Variants in GALC observed in about 807,000 individuals in gnomAD.
GALC encodes galactosylceramidase, also known as galactocerebrosidase.
A neutral mutation model predicts 91.8 loss-of-function variants in GALC; 77 were observed. The observed-to-expected ratio is 0.84, with a 90% CI of 0.70 to 1.01. The LOEUF (loss-of-function observed/expected upper bound fraction) is 1.01. Among genes scored for constraint, GALC ranks in the 50% least tolerant of loss-of-function variants. GALC has a pLI of 0.00. For synonymous variants in GALC, 357 were observed against 306.7 expected (o/e 1.16, Z -1.71); for missense variants, 882 against 855.9 (o/e 1.03, Z -0.38).
intron 3 of GALC, chr14:87,986,928 T>C: frequency 4.5e-6 from 2 of 442,386 alleles, no homozygotes; most frequent in Admixed American, 5.9e-5. Flanking sequence ...GATCTCTCTG[T>C]AGTTTTCAAA....
intron 10 of GALC, 116 bp downstream of exon 10, chr14:87,963,268 T>C (rs1885885544): frequency 9.2e-7 from 1 of 1,090,198 alleles, no homozygotes; most frequent in Non-Finnish European, 1.4e-6. Flanking sequence ...CATAAGATCT[T>C]GGCATCTGTC....
intron 11 of GALC, 22 bp downstream of exon 11, chr14:87,950,637 A>T (rs370110535): frequency 1.8e-5 from 26 of 1,408,132 alleles, no homozygotes; most frequent in Non-Finnish European, 2.5e-5. Flanking sequence ...AAACTAAAAT[A>T]AAGTTAAACA....
chr14:87,993,398 C>T (rs1394278466), upstream of GALC: 1 of 1,535,858 alleles, frequency 6.5e-7, no homozygotes, highest in Non-Finnish European at 8.7e-7. Context: ...GCTTCTCTTC[C>T]GGCGTCACCT....
intron 11 of GALC, 84 bp from the exon 12 acceptor site, chr14:87,950,015 G>A (rs1259879152): frequency 8.0e-6 from 6 of 750,526 alleles, no homozygotes; most frequent in Non-Finnish European, 1.5e-5. Context: ...CAGCAAGAAT[G>A]TACCAATGAC....
rs1595193997 is a variant in GALC, at chr14:87,945,568, A to G, written c.1655T>C (p.Ile552Thr). Residue 552 changes from isoleucine to threonine, a missense_variant, in exon 14 of 17, where the codon ATA becomes ACA. Physicochemically the swap from Ile to Thr is moderately conservative, Grantham distance 89 (BLOSUM62 -1). Transcript: ENST00000261304. The stretch of plus-strand genomic sequence containing the variant: ...TCAATCTTACCAGTTGTAGTCTCCT[A>G]TAATACTGATTGTGTTGGATGCATC... ...AADASNTISI[I>T]GDYNWTNLTI... 1 of 1,603,502 alleles carries G rather than the reference A, an allele frequency of 6.2e-7. No individual in the cohort carries two copies. Among genetic ancestry groups the G allele is most frequent in the Non-Finnish European group, 8.5e-7 (1 of 1,170,610 alleles).
At chr14:87,973,121 T>C (rs868423360) in intron 7 of GALC, among the ~76,000 whole-genome samples, 3 of 152,204 alleles carry the variant, frequency 2.0e-5, no homozygotes, top group Non-Finnish European at 4.4e-5. Flanking sequence ...TTTTATGATA[T>C]ATTTACACAT....
intron 8 of GALC, among the ~76,000 whole-genome samples, chr14:87,966,511 GA>G (rs1257596231): frequency 9.2e-5 from 14 of 152,016 alleles, no homozygotes; most frequent in Admixed American, 9.2e-4. Flanking sequence ...ATAAAAAAAA[GA>G]GACTGACATT....
chr14:87,936,542 T>C (rs1326612996), intron 16 of GALC, among the ~76,000 whole-genome samples: 2 of 151,938 alleles, frequency 1.3e-5, no homozygotes, highest in African/African-American at 4.8e-5. Context: ...TCTGGCCCTT[T>C]ACAGAAAAAG....
intron 7 of GALC, 56 bp from the exon 8 acceptor site, chr14:87,968,546 T>C: frequency 6.6e-7 from 1 of 1,517,976 alleles, no homozygotes; most frequent in South Asian, 1.1e-5. Context: ...GGCACTTATA[T>C]ACGTATAGAT....
chr14:87,952,068 T>G (rs1339345093), intron 10 of GALC, among the ~76,000 whole-genome samples: 1 of 151,664 alleles, frequency 6.6e-6, no homozygotes, highest in African/African-American at 2.4e-5. Context: ...AAATAAAATT[T>G]TTTTAAAAAG....
At position 87,976,433 on chromosome 14, in the gene GALC, C is replaced by T; in HGVS notation, c.677G>A (p.Ser226Asn). 1.2e-6 allele frequency: 2 copies of T among 1,613,716 alleles called. No individual in the cohort carries two copies. The highest frequency in any genetic ancestry group is 2.2e-5 in the South Asian group (2 of 91,080). The change falls in exon 7 of 17, where the codon AGT (serine) becomes AAT (asparagine). Residue 226 changes from serine to asparagine, a missense_variant. By Grantham distance (46) the Ser-to-Asn change is conservative. Transcript: ENST00000261304. Reference sequence around the variant, plus strand: ...AGAGATGGACTCCCAGAGATTATCACTTGCTATGATTTTCACTCGCTGGAG... The same window carrying T: ...AGAGATGGACTCCCAGAGATTATCATTTGCTATGATTTTCACTCGCTGGAG... ...QGLQRVKIIASDNLWESISAS... is the reference protein window; with the variant it reads ...QGLQRVKIIANDNLWESISAS...
chr14:87,982,125 C>T, intron 6 of GALC, 80 bp downstream of exon 6: 1 of 741,194 alleles, frequency 1.3e-6, no homozygotes, highest in South Asian at 1.9e-5. Flanking sequence ...CACAAATTTC[C>T]TACTATTTTC....
chr14:87,961,486 G>A (rs1288900657), intron 10 of GALC, among the ~76,000 whole-genome samples: 4 of 152,084 alleles, frequency 2.6e-5, no homozygotes, highest in South Asian at 2.1e-4. Context: ...CTGAAAACAC[G>A]TTCACAGAAA....
chr14:87,954,500 G>C, intron 10 of GALC: 9 of 1,566,706 alleles, frequency 5.7e-6, no homozygotes, highest in Non-Finnish European at 7.8e-6. Context: ...TTACACACTA[G>C]AAAACCTAAA....
intron 10 of GALC, among the ~76,000 whole-genome samples, chr14:87,962,921 C>T (rs527332900): frequency 6.6e-6 from 1 of 152,202 alleles, no homozygotes; most frequent in East Asian, 1.9e-4. Flanking sequence ...CAAGCCCCTA[C>T]CTCCTCCCAT....
intron 10 of GALC, among the ~76,000 whole-genome samples, chr14:87,960,700 A>G (rs1322097445): frequency 6.6e-6 from 1 of 152,188 alleles, no homozygotes; most frequent in African/African-American, 2.4e-5. Context: ...GATTTTCAAC[A>G]AGGATGCCAA....
intron 6 of GALC, 111 bp from the exon 7 acceptor site, chr14:87,976,599 A>C: frequency 2.2e-6 from 2 of 913,576 alleles, no homozygotes; most frequent in Non-Finnish European, 3.5e-6. Context: ...TCTGGATAAT[A>C]GCTTCTTTTG....
chr14:87,982,803 C>T (rs1381061616), intron 5 of GALC, among the ~76,000 whole-genome samples: 1 of 152,144 alleles, frequency 6.6e-6, no homozygotes, highest in Non-Finnish European at 1.5e-5. Context: ...GAAAGAACTT[C>T]CATAACTCCA....
At position 87,934,354 on chromosome 14, in the gene GALC, A is replaced by G. The variant is rs972398660; in HGVS notation, c.*378T>C. ...GGACACACGGTCAGCATGCATAAATACATCTCAGTGATGATCAAGTTACTG... is the reference window on the plus strand; with the variant it reads ...GGACACACGGTCAGCATGCATAAATGCATCTCAGTGATGATCAAGTTACTG... On this transcript the variant is annotated 3_prime_UTR_variant, in exon 17 of 17. Transcript: ENST00000261304. The G allele has an allele frequency of 7.9e-7, 1 of 1,267,714 alleles. No homozygotes were observed. Among genetic ancestry groups the G allele is most frequent in the African/African-American group, 1.5e-5 (1 of 66,052 alleles). The allele number at this position is 1,267,714 out of a possible 1,614,324, so 78.5% of individuals were successfully genotyped here. A position where few individuals can be genotyped will look rare whatever the true frequency, so the allele number is the denominator to read the frequency against.
Sources: allele counts gnomAD v4.1 joint callset (sites outside exome capture counted in the v4.1 genomes callset), GRCh38; gene constraint gnomAD v4.1.1; transcripts MANE v1.5; gene names NCBI Gene and HGNC (gene_info 2026-07-23, HGNC 2026-07-21).